Variants in KDM4C observed in about 807,000 individuals in gnomAD.
The protein encoded by KDM4C is lysine-specific demethylase 4C.
In KDM4C, 81 loss-of-function variants were observed where a neutral mutation model predicts 129.3. That is an observed-to-expected ratio of 0.63 (90% CI 0.52 to 0.75). The LOEUF (loss-of-function observed/expected upper bound fraction) is 0.75. Among genes scored for constraint, KDM4C ranks in the 30% least tolerant of loss-of-function variants. KDM4C has a pLI of 0.00. For missense variants in KDM4C, 1,457 were observed against 1,304.0 expected, an observed-to-expected ratio of 1.12 and a Z score of -1.81; for synonymous variants, 573 against 456.1, an observed-to-expected ratio of 1.26 and a Z score of -3.26.
intron 17 of KDM4C, among the ~76,000 whole-genome samples, chr9:7,058,589 A>G (rs1023310632): frequency 1.3e-5 from 2 of 152,300 alleles, no homozygotes; most frequent in East Asian, 1.9e-4. Flanking sequence ...CAAGGCATCA[A>G]ATTGCACTAG....
chr9:7,022,583 C>G (rs1825058937), intron 15 of KDM4C, among the ~76,000 whole-genome samples: 1 of 150,626 alleles, frequency 6.6e-6, no homozygotes, highest in Non-Finnish European at 1.5e-5. Flanking sequence ...ATTATATCAT[C>G]TGCAAACAAC....
intron 8 of KDM4C, among the ~76,000 whole-genome samples, chr9:6,939,807 C>T (rs367729630): frequency 6.6e-6 from 1 of 152,008 alleles, no homozygotes; most frequent in Non-Finnish European, 1.5e-5. Flanking sequence ...TGATTCCGTC[C>T]CTCTCTTGGC....
At chr9:7,065,469 A>G (rs982100779) in intron 17 of KDM4C, among the ~76,000 whole-genome samples, 1 of 152,160 alleles carries the variant, frequency 6.6e-6, no homozygotes, top group Non-Finnish European at 1.5e-5. Context: ...TCAGTTTTAA[A>G]CATTTATTTG....
intron 19 of KDM4C, among the ~76,000 whole-genome samples, chr9:7,135,641 C>A (rs527997943): frequency 6.6e-6 from 1 of 152,250 alleles, no homozygotes; most frequent in Admixed American, 6.5e-5. Context: ...ATGGGGGATT[C>A]AGAGATGTGT....
chr9:6,758,149 C>T lies in KDM4C; in HGVS notation c.-72C>T. Reference sequence around the variant, plus strand: ...CCAAATCTCCCTGGGCCGGAGGCCACTGTCTTCTCTTCCTCCTCCACCGAG... The same window carrying T: ...CCAAATCTCCCTGGGCCGGAGGCCATTGTCTTCTCTTCCTCCTCCACCGAG... On this transcript the variant is annotated 5_prime_UTR_variant, in exon 1 of 22. Transcript: ENST00000381309. This position sits in a 1 kb window ranked among gnomAD's most constrained non-coding sequence, Gnocchi z 4.6. 1 of 985,730 alleles carries T rather than the reference C, an allele frequency of 1.0e-6. No homozygotes were observed. Among genetic ancestry groups the T allele is most frequent in the Non-Finnish European group, 1.2e-6 (1 of 830,170 alleles). 61.1% of individuals were successfully genotyped at this position (985,730 alleles called of 1,614,324 possible).
intron 17 of KDM4C, chr9:7,076,535 C>A: frequency 6.5e-7 from 1 of 1,537,852 alleles, no homozygotes; most frequent in Non-Finnish European, 8.8e-7. Context: ...ACATCCCCTC[C>A]GCCACTGTTT....
chr9:6,770,838 C>T (rs1306361275), intron 1 of KDM4C, among the ~76,000 whole-genome samples: 1 of 145,062 alleles, frequency 6.9e-6, no homozygotes, highest in Non-Finnish European at 1.5e-5. Flanking sequence ...TGCAGTGGCG[C>T]AATCTTGGCT....
At chr9:6,794,611 G>C (rs1184189929) in intron 2 of KDM4C, among the ~76,000 whole-genome samples, 1 of 152,166 alleles carries the variant, frequency 6.6e-6, no homozygotes, top group East Asian at 1.9e-4. Flanking sequence ...CACCTTGTCT[G>C]GGATAGTTAT....
At chr9:7,026,008 C>G (rs1825751510) in intron 15 of KDM4C, among the ~76,000 whole-genome samples, 1 of 151,948 alleles carries the variant, frequency 6.6e-6, no homozygotes, top group African/African-American at 2.4e-5. Flanking sequence ...AGTTCGAGAC[C>G]ATCCTGGAAA....
At position 7,126,515 on chromosome 9, in the gene KDM4C, A is replaced by G. The variant is rs79754853; in HGVS notation, c.2611-1551A>G. 3.1e-4 allele frequency among the ~76,000 whole-genome samples: 47 copies of G among 152,344 alleles called. No homozygotes were observed. In the East Asian group the frequency reaches 9.0e-3, roughly 29 times the overall value. On this transcript the variant is annotated intron_variant, in intron 18 of 21. Coordinates refer to ENST00000381309, the MANE Select transcript of KDM4C (RefSeq NM_015061.6). ...GGATGAAGATACAAATATGGAATAG[A>G]GGGAGGCAAGAAAGAACCTGCAGGG...
rs545144476 is a variant in KDM4C at position 6,831,434 on chromosome 9, C to T, written c.435+16689C>T. Among the ~76,000 whole-genome samples, 44 of 152,096 alleles carry T rather than the reference C, an allele frequency of 2.9e-4. 1 individual carries two copies. The highest frequency in any genetic ancestry group is 1.0e-3 in the African/African-American group (42 of 41,410). ...CCAGGCTCACTGCAACCTCCGTCTCCCTGGATCAAGTAATTCTCCTGCCAT... is the reference window on the plus strand; with the variant it reads ...CCAGGCTCACTGCAACCTCCGTCTCTCTGGATCAAGTAATTCTCCTGCCAT... On this transcript the variant is annotated intron_variant, in intron 4 of 21. Coordinates refer to ENST00000381309, the MANE Select transcript of KDM4C (RefSeq NM_015061.6).
chr9:7,038,291 C>G (rs1827991084), intron 15 of KDM4C, among the ~76,000 whole-genome samples: 1 of 152,068 alleles, frequency 6.6e-6, no homozygotes, highest in East Asian at 1.9e-4. Context: ...CCAACACTCT[C>G]AAAATCTCAA....
At position 7,106,055 on chromosome 9, in the gene KDM4C, G is replaced by A. The variant is rs147191068; in HGVS notation, c.2610+2185G>A. On this transcript the variant is annotated intron_variant, in intron 18 of 21. Coordinates refer to ENST00000381309, the MANE Select transcript of KDM4C (RefSeq NM_015061.6). ...CCTTTGCTACATTTTCTAGGTGGAA[G>A]CACTGTTAGCACTGTATTTCCCAAG... Among the ~76,000 whole-genome samples the A allele has an allele frequency of 1.4e-3, 220 of 152,280 alleles. 2 individuals are homozygous for A. The highest frequency in any genetic ancestry group is 5.0e-3 in the African/African-American group (207 of 41,570).
intron 20 of KDM4C, among the ~76,000 whole-genome samples, chr9:7,166,865 T>G (rs902399976): frequency 3.9e-5 from 6 of 152,008 alleles, no homozygotes; most frequent in African/African-American, 1.4e-4. Flanking sequence ...ATGAAAAAGT[T>G]AAGACTAATA....
At chr9:7,023,723 GTTGT>G (rs1274603045) in intron 15 of KDM4C, among the ~76,000 whole-genome samples, 2 of 151,890 alleles carry the variant, frequency 1.3e-5, no homozygotes, top group Non-Finnish European at 2.9e-5. Flanking sequence ...GCATTGTTAG[GTTGT>G]TTATTTGAAG....
chr9:7,005,134 G>C (rs1327173775), intron 12 of KDM4C, among the ~76,000 whole-genome samples: 1 of 152,088 alleles, frequency 6.6e-6, no homozygotes, highest in Non-Finnish European at 1.5e-5. Flanking sequence ...ACAAAGGTTA[G>C]CATTAAGACC....
intron 3 of KDM4C, among the ~76,000 whole-genome samples, chr9:6,810,877 AAAT>A (rs1263025943): frequency 3.4e-5 from 5 of 145,886 alleles, no homozygotes; most frequent in African/African-American, 1.4e-4. Context: ...GTCTCCAAAA[AAAT>A]AAATAAATAA....
In KDM4C at chr9:7,011,692, C is replaced by A. The variant is rs372510787; in HGVS notation, c.1787-6C>A. 3.8e-5 allele frequency: 62 copies of A among 1,613,676 alleles called. No individual in the cohort carries two copies. The highest frequency in any genetic ancestry group is 5.2e-5 in the Non-Finnish European group (61 of 1,179,760). On this transcript the variant is annotated splice_region_variant and splice_polypyrimidine_tract_variant and intron_variant, in intron 12 of 21. Transcript: ENST00000381309. ...CTCATGGTATTTTCCTGCCTTCTCC[C>A]TTAAGAATTGCCTGAGGTTCTGTCC...
At chr9:7,111,467 A>AT (rs926279945) in intron 18 of KDM4C, among the ~76,000 whole-genome samples, 9 of 151,292 alleles carry the variant, frequency 5.9e-5, no homozygotes, top group East Asian at 1.9e-4. Flanking sequence ...TTATCTTTTT[A>AT]TTTTTTTTTA....
Sources: allele counts gnomAD v4.1 joint callset (sites outside exome capture counted in the v4.1 genomes callset), GRCh38; gene constraint gnomAD v4.1.1; non-coding constraint Gnocchi (gnomAD v3.1); transcripts MANE v1.5; gene names NCBI Gene and HGNC (gene_info 2026-07-23, HGNC 2026-07-21).